TNRC6B: variants seen among roughly 807,000 people sequenced by gnomAD.
TNRC6B encodes the protein trinucleotide repeat-containing gene 6B protein.
Under a neutral mutation model 203.6 loss-of-function variants are expected in TNRC6B, and 52 were observed. The ratio of observed to expected loss-of-function variants is 0.26; its 90% CI spans 0.20 to 0.32. The LOEUF (loss-of-function observed/expected upper bound fraction) is 0.32. Among genes scored for constraint, TNRC6B ranks in the 10% least tolerant of loss-of-function variants. The pLI is 1.00. For missense variants in TNRC6B, 1,923 were observed against 2,286.2 expected, an observed-to-expected ratio of 0.84 and a Z score of 3.24; for synonymous variants, 838 against 845.7, an observed-to-expected ratio of 0.99 and a Z score of 0.16.
intron 3 of TNRC6B, among the ~76,000 whole-genome samples, chr22:40,149,616 G>T (rs1232701304): frequency 6.7e-6 from 1 of 148,358 alleles, no homozygotes. Flanking sequence ...GTTGCAGTGA[G>T]CCGAGATCGC....
intron 1 of TNRC6B, among the ~76,000 whole-genome samples, chr22:40,192,549 G>A (rs921710091): frequency 4.6e-5 from 7 of 152,164 alleles, no homozygotes; most frequent in Admixed American, 3.3e-4. Context: ...TCCAGGAGAC[G>A]GAGGCTGCAG....
At chr22:40,221,754 C>CT (rs1346230354) in intron 1 of TNRC6B, among the ~76,000 whole-genome samples, 1 of 122,922 alleles carries the variant, frequency 8.1e-6, no homozygotes, top group African/African-American at 2.6e-5. Flanking sequence ...TCTTATTGCC[C>CT]CCCCCCCTTT....
chr22:40,315,453 A>G lies in TNRC6B; in HGVS notation c.4849A>G (p.Thr1617Ala). Reference protein sequence around the residue: ...NPKPSSPWSSTAPRSVRGWGT... With the variant: ...NPKPSSPWSSAAPRSVRGWGT... ...CAAACCATCATCTCCCTGGAGCAGC[A>G]CAGCACCCCGATCAGTCAGGGGGTG... The change falls in exon 20 of 23, where the codon ACA becomes GCA. Residue 1617 changes from threonine (T) to alanine (A), a missense_variant. Physicochemically the swap from Thr to Ala is moderately conservative, Grantham distance 58 (BLOSUM62 0). Coordinates refer to ENST00000454349, the MANE Select transcript of TNRC6B (RefSeq NM_001162501.2). 1 of 1,614,020 alleles carries G rather than the reference A, an allele frequency of 6.2e-7. No individual in the cohort carries two copies. The highest frequency in any genetic ancestry group is 8.5e-7 in the Non-Finnish European group (1 of 1,179,884).
chr22:40,316,125 C>T (rs1351632923), intron 21 of TNRC6B, 113 bp downstream of exon 21: 14 of 871,972 alleles, frequency 1.6e-5, no homozygotes, highest in African/African-American at 5.0e-5. Context: ...GAGGCCGAGG[C>T]GGGTGCATCA....
intron 1 of TNRC6B, among the ~76,000 whole-genome samples, chr22:40,099,469 C>T (rs6001762): frequency 0.37 from 56,267 of 151,934 alleles, 16,184 homozygotes; most frequent in African/African-American, 0.81. Context: ...ATTAGTACAG[C>T]GGTCCTCCAT....
intron 1 of TNRC6B, among the ~76,000 whole-genome samples, chr22:40,073,335 C>T (rs1027044121): frequency 3.3e-5 from 5 of 152,088 alleles, no homozygotes; most frequent in African/African-American, 9.7e-5. Context: ...CCTTTAGGGA[C>T]AGCAAGTCCT....
chr22:40,177,192 A>C (rs1038708270), upstream of TNRC6B, among the ~76,000 whole-genome samples: 1 of 152,074 alleles, frequency 6.6e-6, no homozygotes, highest in Admixed American at 6.6e-5. Flanking sequence ...CTGCAGAGCT[A>C]CCTCCTGCGG....
chr22:40,322,347 G>T (rs2071344962), intron 22 of TNRC6B, among the ~76,000 whole-genome samples: 2 of 152,116 alleles, frequency 1.3e-5, no homozygotes, highest in African/African-American at 4.8e-5. Flanking sequence ...TGTCAAGATT[G>T]CTGAACCCCT....
exon 1 of TNRC6B, chr22:40,044,942 C>T (rs923665001): frequency 2.0e-5 from 3 of 152,370 alleles, no homozygotes; most frequent in African/African-American, 7.2e-5. Flanking sequence ...GAAGCGGAGA[C>T]TGCGCGCCTC....
intron 1 of TNRC6B, among the ~76,000 whole-genome samples, chr22:40,092,834 G>A (rs17001630): frequency 0.044 from 6,721 of 152,306 alleles, 451 homozygotes; most frequent in African/African-American, 0.14. Flanking sequence ...GATACTGTAA[G>A]TGTAATGTAA....
rs554791894 is a variant in TNRC6B at position 40,150,818 on chromosome 22, A to AC, written c.46-5297_46-5296insC. Reference sequence around the variant, plus strand: ...TTTGGGGTAATTAAATAGCCCAAGGAGGGGGAAATAGATGAGGATGTATAG... The same window carrying AC: ...TTTGGGGTAATTAAATAGCCCAAGGACGGGGGAAATAGATGAGGATGTATAG... On this transcript the variant is annotated intron_variant, in intron 3 of 23. Transcript: ENST00000301923. 1.5e-3 allele frequency among the ~76,000 whole-genome samples: 230 copies of AC among 152,246 alleles called. 1 individual carries two copies. Among genetic ancestry groups the AC allele is most frequent in the Admixed American group, 2.4e-3 (37 of 15,288 alleles).
intron 1 of TNRC6B, among the ~76,000 whole-genome samples, chr22:40,230,177 GT>G (rs886140707): frequency 2.8e-5 from 4 of 142,722 alleles, no homozygotes; most frequent in African/African-American, 1.0e-4. Context: ...GCTTTAATTT[GT>G]TTTTTTCATA....
At chr22:40,127,669 C>T (rs1019391046) in intron 3 of TNRC6B, among the ~76,000 whole-genome samples, 2 of 152,054 alleles carry the variant, frequency 1.3e-5, no homozygotes, top group African/African-American at 2.4e-5. Context: ...CTCAAGACTT[C>T]GAGACCAGCC....
intron 1 of TNRC6B, among the ~76,000 whole-genome samples, chr22:40,181,870 A>G (rs576739687): frequency 9.3e-5 from 14 of 150,666 alleles, no homozygotes; most frequent in Non-Finnish European, 1.8e-4. Flanking sequence ...AGTTTGAGCC[A>G]GTGATGTTGA....
At chr22:40,269,458 G>C (rs796355080) in intron 5 of TNRC6B, among the ~76,000 whole-genome samples, 6 of 152,102 alleles carry the variant, frequency 3.9e-5, no homozygotes, top group African/African-American at 1.4e-4. Flanking sequence ...TTTTATGGGT[G>C]ACCCACAATT....
rs998770938 is a variant in TNRC6B at position 40,157,065 on chromosome 22, G to A, written c.113+883G>A. 2.0e-5 allele frequency among the ~76,000 whole-genome samples: 3 copies of A among 152,038 alleles called. No individual in the cohort carries two copies. The East Asian group carries it at 5.8e-4, about 29-fold the overall frequency. ...GCTGGGATTGCAGGTGTGAGGCATC[G>A]TGCCCAGCCAGGGGTGATTGGTTTT... is the stretch of plus-strand genomic sequence containing the variant. On this transcript the variant is annotated intron_variant, in intron 4 of 23. Coordinates refer to the TNRC6B transcript ENST00000301923.
At chr22:40,152,403 T>C (rs991072274) in intron 3 of TNRC6B, among the ~76,000 whole-genome samples, 6 of 152,230 alleles carry the variant, frequency 3.9e-5, no homozygotes, top group African/African-American at 1.4e-4. Flanking sequence ...CTCGGCTCAC[T>C]GCAAGCTCCG....
chr22:40,195,955 A>G (rs935205778), intron 1 of TNRC6B, among the ~76,000 whole-genome samples: 26 of 151,740 alleles, frequency 1.7e-4, no homozygotes, highest in African/African-American at 5.3e-4. Context: ...GTTTGTTTGT[A>G]TTTTTAGTAG....
At chr22:40,242,823 T>A (rs1414551095) in intron 1 of TNRC6B, among the ~76,000 whole-genome samples, 1 of 152,156 alleles carries the variant, frequency 6.6e-6, no homozygotes, top group African/African-American at 2.4e-5. Flanking sequence ...CACATAGATG[T>A]CCATTGCTCT....
Sources: allele counts gnomAD v4.1 joint callset (sites outside exome capture counted in the v4.1 genomes callset), GRCh38; gene constraint gnomAD v4.1.1; transcripts MANE v1.5; gene names NCBI Gene and HGNC (gene_info 2026-07-23, HGNC 2026-07-21).